ANK3: variants seen among roughly 807,000 people sequenced by gnomAD.
ANK3 encodes the protein ankyrin-3.
In ANK3, 57 loss-of-function variants were observed where a neutral mutation model predicts 370.9. That is an observed-to-expected ratio of 0.15 (90% CI 0.12 to 0.19). ANK3 has a LOEUF of 0.19. ANK3 is among the 10% of genes least tolerant of loss of function. ANK3 has a pLI of 1.00. For missense variants in ANK3, 4,439 were observed against 5,302.1 expected, an observed-to-expected ratio of 0.84 and a Z score of 5.06; for synonymous variants, 1,929 against 1,946.3, an observed-to-expected ratio of 0.99 and a Z score of 0.23.
chr10:60,437,374 G>A (rs1054247252), intron 2 of ANK3, among the ~76,000 whole-genome samples: 1 of 152,152 alleles, frequency 6.6e-6, no homozygotes, highest in African/African-American at 2.4e-5. Context: ...CTTCAAAGAA[G>A]AAAAGATACA....
intron 2 of ANK3, among the ~76,000 whole-genome samples, chr10:60,530,728 G>A (rs991444387): frequency 2.6e-5 from 4 of 152,136 alleles, no homozygotes; most frequent in African/African-American, 9.7e-5. Flanking sequence ...TTTGGATCTT[G>A]GAAGAAGTGA....
At chr10:60,464,370 T>C (rs74947335) in intron 2 of ANK3, among the ~76,000 whole-genome samples, 1 of 152,032 alleles carries the variant, frequency 6.6e-6, no homozygotes, top group Non-Finnish European at 1.5e-5. Flanking sequence ...CTAAAAAATA[T>C]TTTTTCTGAA....
intron 1 of ANK3, among the ~76,000 whole-genome samples, chr10:60,303,849 G>A (rs1275527719): frequency 6.6e-6 from 1 of 151,474 alleles, no homozygotes; most frequent in Non-Finnish European, 1.5e-5. Flanking sequence ...ATTGTCTGTT[G>A]ACTAATGAAT....
intron 28 of ANK3, among the ~76,000 whole-genome samples, chr10:60,103,793 G>C (rs1191720214): frequency 4.6e-5 from 7 of 152,070 alleles, no homozygotes; most frequent in African/African-American, 1.7e-4. Flanking sequence ...AAGTTTATCT[G>C]GTCTTTAAAA....
intron 25 of ANK3, among the ~76,000 whole-genome samples, chr10:60,132,819 G>GT (rs2094157892): frequency 2.6e-5 from 2 of 75,776 alleles, no homozygotes; most frequent in African/African-American, 1.1e-4. Flanking sequence ...GTTTCACCAC[G>GT]TTGGCAGGCT....
At chr10:60,140,434 GA>G in intron 23 of ANK3, 1 of 1,612,884 alleles carries the variant, frequency 6.2e-7, no homozygotes, top group Non-Finnish European at 8.5e-7. Context: ...CAGTGATTTA[GA>G]ATCAACCTCC....
chr10:60,138,602 C>CT (rs2132206033), intron 24 of ANK3: 1 of 444,320 alleles, frequency 2.3e-6, no homozygotes, highest in East Asian at 3.4e-5. Context: ...ATATTTCTCA[C>CT]TTATTAGCAA....
At chr10:60,430,798 G>A (rs10994345) in intron 2 of ANK3, among the ~76,000 whole-genome samples, 1 of 151,766 alleles carries the variant, frequency 6.6e-6, no homozygotes, top group African/African-American at 2.4e-5. Flanking sequence ...ACAAATAGGT[G>A]TGAAATAAAA....
chr10:60,137,372 A>AT, intron 24 of ANK3: 1 of 344,494 alleles, frequency 2.9e-6, no homozygotes, highest in Non-Finnish European at 5.4e-6. Context: ...AAGTAATTTT[A>AT]GGAAAAAAAA....
rs1357503039 is a variant in ANK3 at position 60,294,597 on chromosome 10, TA to T, written c.115-14959del. Among the ~76,000 whole-genome samples, 8 of 152,348 alleles carry T rather than the reference TA, an allele frequency of 5.3e-5. No individual in the cohort carries two copies. In the East Asian group the frequency reaches 7.7e-4, roughly 15 times the overall value. ...CTTTTCACTTAAAATGTTTCATTTTTACTTAAGTCTGTAATCAACAAAGGGA... is the reference window on the plus strand; with the variant it reads ...CTTTTCACTTAAAATGTTTCATTTTTCTTAAGTCTGTAATCAACAAAGGGA... On this transcript the variant is annotated intron_variant, in intron 1 of 43. Transcript: ENST00000280772.
intron 23 of ANK3, among the ~76,000 whole-genome samples, chr10:60,162,922 C>T (rs2095533408): frequency 6.6e-6 from 1 of 152,116 alleles, no homozygotes; most frequent in Non-Finnish European, 1.5e-5. Context: ...TAGAATTCTA[C>T]AAGCTAAAAT....
chr10:60,116,249 T>TG (rs1482018066), intron 25 of ANK3, among the ~76,000 whole-genome samples: 1 of 152,140 alleles, frequency 6.6e-6, no homozygotes, highest in Admixed American at 6.5e-5. Context: ...CAGACACAGC[T>TG]GGGGACAGAG....
intron 23 of ANK3, among the ~76,000 whole-genome samples, chr10:60,141,895 A>T (rs2094586858): frequency 1.3e-5 from 2 of 152,252 alleles, no homozygotes; most frequent in South Asian, 4.1e-4. Context: ...ATACATGGAA[A>T]TAGAAGGGAA....
chr10:60,647,899 G>T (rs1401358485), intron 1 of ANK3, among the ~76,000 whole-genome samples: 1 of 151,124 alleles, frequency 6.6e-6, no homozygotes, highest in Non-Finnish European at 1.5e-5. Flanking sequence ...CCAGGCTGGA[G>T]TGCAGTGGCG....
chr10:60,465,222 A>G (rs2064981615), intron 2 of ANK3, among the ~76,000 whole-genome samples: 2 of 151,378 alleles, frequency 1.3e-5, no homozygotes, highest in Admixed American at 1.3e-4. Flanking sequence ...GCCCCACTGC[A>G]CTCCAGTCTC....
intron 1 of ANK3, among the ~76,000 whole-genome samples, chr10:60,340,797 G>C (rs1263628423): frequency 1.3e-5 from 2 of 152,134 alleles, no homozygotes; most frequent in Non-Finnish European, 2.9e-5. Context: ...TGAGCAGCCA[G>C]CATCAACTAA....
intron 23 of ANK3, chr10:60,140,548 T>C (rs41274686): frequency 1.4e-4 from 198 of 1,409,554 alleles, no homozygotes; most frequent in African/African-American, 7.8e-4. Context: ...TGAGGAATTA[T>C]ACATCTTTCC....
At chr10:60,415,752 T>C (rs1221728580) in intron 2 of ANK3, among the ~76,000 whole-genome samples, 1 of 152,132 alleles carries the variant, frequency 6.6e-6, no homozygotes, top group Non-Finnish European at 1.5e-5. Flanking sequence ...AGCCCTAATA[T>C]TTCACCCAAG....
chr10:60,184,027 C>G (rs947434466), intron 17 of ANK3, among the ~76,000 whole-genome samples: 55 of 152,252 alleles, frequency 3.6e-4, no homozygotes, highest in African/African-American at 1.3e-3. Flanking sequence ...AAATCGAACA[C>G]TAGCACCTCA....
Sources: gnomAD v4.1 joint callset for allele counts (sites outside exome capture counted in the v4.1 genomes callset) on GRCh38, gnomAD v4.1.1 for gene constraint, MANE v1.5 for transcripts, NCBI Gene and HGNC (gene_info 2026-07-23, HGNC 2026-07-21) for gene names.